Variants in MARCHF10 observed in about 807,000 individuals in gnomAD.
MARCHF10 encodes membrane associated ring-CH-type finger 10.
In MARCHF10, 64 loss-of-function variants were observed where a neutral mutation model predicts 76.2. The ratio of observed to expected loss-of-function variants is 0.84; its 90% confidence interval spans 0.69 to 1.03. MARCHF10 has a LOEUF of 1.03. MARCHF10 is among the 50% of genes least tolerant of loss of function. MARCHF10 has a pLI of 0.00. For missense variants in MARCHF10, 875 were observed against 958.0 expected, an observed-to-expected ratio of 0.91 and a Z score of 1.14; for synonymous variants, 340 against 357.5, an observed-to-expected ratio of 0.95 and a Z score of 0.55.
intron 4 of MARCHF10, among the ~76,000 whole-genome samples, chr17:62,759,204 C>A (rs1486872250): frequency 6.6e-6 from 1 of 152,154 alleles, no homozygotes; most frequent in Non-Finnish European, 1.5e-5. Context: ...CTTGCTTGAG[C>A]CATAAAACTT....
chr17:62,704,835 G>T, intron 10 of MARCHF10: 2 of 734,390 alleles, frequency 2.7e-6, no homozygotes, highest in Non-Finnish European at 3.3e-6. Context: ...TGGGGACCCA[G>T]TTGTCACACA....
At chr17:62,799,435 A>G (rs186646344) in intron 2 of MARCHF10, among the ~76,000 whole-genome samples, 1 of 152,158 alleles carries the variant, frequency 6.6e-6, no homozygotes, top group Non-Finnish European at 1.5e-5. Context: ...TAAACCATCC[A>G]ATAATTCTCA....
intron 3 of MARCHF10, among the ~76,000 whole-genome samples, chr17:62,784,543 G>C (rs771051636): frequency 6.6e-6 from 1 of 152,192 alleles, no homozygotes; most frequent in South Asian, 2.1e-4. Flanking sequence ...GCAAGAGAAA[G>C]AAATAAAGGG....
chr17:62,794,118 C>T (rs1190493747), intron 2 of MARCHF10, among the ~76,000 whole-genome samples: 1 of 149,476 alleles, frequency 6.7e-6, no homozygotes, highest in Admixed American at 6.7e-5. Flanking sequence ...ACCACCACCA[C>T]CACCTCCATC....
intron 5 of MARCHF10, among the ~76,000 whole-genome samples, chr17:62,740,061 TGTGTGTGTGTGTGTGTGTGTGC>T (rs1285573856): frequency 7.3e-6 from 1 of 136,172 alleles, no homozygotes; most frequent in East Asian, 2.0e-4. Context: ...TGTGTGTGTG[TGTGTGTGTGTGTGTGTGTGTGC>T]GTGTGTGTGT....
At chr17:62,776,453 G>A (rs910853005) in intron 3 of MARCHF10, among the ~76,000 whole-genome samples, 1 of 152,186 alleles carries the variant, frequency 6.6e-6, no homozygotes, top group African/African-American at 2.4e-5. Context: ...CAATTCAAAC[G>A]GACGGTTCTC....
At position 62,712,717 on chromosome 17, in the gene MARCHF10, G is replaced by C. The variant is rs79237136; in HGVS notation, c.2215-1373C>G. Among the ~76,000 whole-genome samples the C allele has an allele frequency of 0.035, 5,290 of 152,224 alleles. 321 individuals are homozygous for C. Among genetic ancestry groups the C allele is most frequent in the African/African-American group, 0.12 (4,990 of 41,520 alleles). On this transcript the variant is annotated intron_variant, in intron 8 of 10. Transcript: ENST00000311269. The surrounding 1 kb of genome is among the most constrained non-coding windows in gnomAD (Gnocchi z 4.2). ...ACCTTGGCCTAGAGTGAGTAGAGAA[G>C]AAGTTGCTTGTTTGCATTATTTCTG...
Position 62,718,637 on chromosome 17 carries a change from C to T in MARCHF10, c.2214+3851G>A, listed in dbSNP as rs79797770. On this transcript the variant is annotated intron_variant, in intron 8 of 10. Coordinates refer to ENST00000311269, the MANE Select transcript of MARCHF10 (RefSeq NM_152598.4). ...TTCTTGAGATGAACCTGTCGGCACC[C>T]TGACTGGCACCTGACCTCAGGCACT... 2.3e-3 allele frequency among the ~76,000 whole-genome samples: 348 copies of T among 152,304 alleles called. 8 individuals carry two copies. The East Asian group carries it at 0.029, about 13-fold the overall frequency.
chr17:62,804,734 C>T (rs949316988), intron 1 of MARCHF10, among the ~76,000 whole-genome samples: 6 of 152,138 alleles, frequency 3.9e-5, no homozygotes, highest in African/African-American at 1.2e-4. Context: ...GACCCCTCAT[C>T]TATGGGGTCA....
At chr17:62,799,606 G>A (rs949497404) in intron 2 of MARCHF10, among the ~76,000 whole-genome samples, 8 of 152,132 alleles carry the variant, frequency 5.3e-5, no homozygotes, top group African/African-American at 1.4e-4. Flanking sequence ...AATTAGCCAG[G>A]TGTGTTGGCG....
At chr17:62,730,394 T>A (rs1239798551) in intron 6 of MARCHF10, among the ~76,000 whole-genome samples, 1 of 152,222 alleles carries the variant, frequency 6.6e-6, no homozygotes, top group Admixed American at 6.5e-5. Flanking sequence ...TAAACATTTT[T>A]AAAAAGACCT....
chr17:62,787,506 C>T (rs572881616), intron 3 of MARCHF10, among the ~76,000 whole-genome samples: 2 of 152,280 alleles, frequency 1.3e-5, no homozygotes, highest in South Asian at 2.1e-4. Context: ...ATTCACCATG[C>T]TAACAGTCAG....
chr17:62,727,129 G>A (rs2090795098), intron 6 of MARCHF10, among the ~76,000 whole-genome samples: 1 of 152,186 alleles, frequency 6.6e-6, no homozygotes, highest in Non-Finnish European at 1.5e-5. Context: ...GGTCATGCAG[G>A]TCTGAAGATC....
At chr17:62,788,431 C>CCAGCAG in intron 3 of MARCHF10, 49 bp downstream of exon 3, 1 of 1,597,326 alleles carries the variant, frequency 6.3e-7, no homozygotes, top group Non-Finnish European at 8.6e-7. Context: ...ACCACCACCA[C>CCAGCAG]CAGCAGCAGC....
Position 62,725,095 on chromosome 17 carries a change from C to T in MARCHF10, c.1947G>A (p.Glu649=). 5 of 1,587,746 alleles carry T rather than the reference C, an allele frequency of 3.1e-6. No individual in the cohort carries two copies. Among genetic ancestry groups the T allele is most frequent in the South Asian group, 1.2e-5 (1 of 86,622 alleles). Residue 649 remains glutamate (E), a synonymous_variant, in exon 7 of 11, where the codon GAG becomes GAA. Transcript: ENST00000311269. ...AGTCTCCCTCCTCCTCGGAGTCCTC[C>T]TCCAGGAGACTAAATGTGAAAACAA... ...KLKKLQESLL[E]EDSEEEGDLC... is the part of the protein sequence containing the mutation.
chr17:62,741,596 A>C (rs1409322611), intron 5 of MARCHF10, among the ~76,000 whole-genome samples: 1 of 152,166 alleles, frequency 6.6e-6, no homozygotes, highest in Non-Finnish European at 1.5e-5. Context: ...CGTCATGTAG[A>C]TTTACATTTA....
rs564225298 is a variant in MARCHF10 at position 62,733,547 on chromosome 17, A to ACCACCAGC, written c.1937+2376_1937+2383dup. On this transcript the variant is annotated intron_variant, in intron 6 of 10. Coordinates refer to ENST00000311269, the MANE Select transcript of MARCHF10 (RefSeq NM_152598.4). ...ATTTAGTACAGTGGAAAATGTGTTC[A>ACCACCAGC]CCACCAGCCCACCAGCCCACCAGCC... Among the ~76,000 whole-genome samples the ACCACCAGC allele has an allele frequency of 3.3e-3, 502 of 152,246 alleles. 3 individuals carry two copies. Among genetic ancestry groups the ACCACCAGC allele is most frequent in the African/African-American group, 7.0e-3 (289 of 41,522 alleles).
intron 8 of MARCHF10, among the ~76,000 whole-genome samples, chr17:62,721,066 G>A (rs934597742): frequency 2.0e-5 from 3 of 151,736 alleles, no homozygotes; most frequent in African/African-American, 7.3e-5. Flanking sequence ...TGGGGGTTTC[G>A]CTGTGTTGGC....
At chr17:62,775,544 G>A (rs1190154925) in intron 3 of MARCHF10, among the ~76,000 whole-genome samples, 1 of 151,528 alleles carries the variant, frequency 6.6e-6, no homozygotes, top group Non-Finnish European at 1.5e-5. Flanking sequence ...CATCCCCATG[G>A]TACCCAACAC....
Sources: allele counts gnomAD v4.1 joint callset (sites outside exome capture counted in the v4.1 genomes callset), GRCh38; gene constraint gnomAD v4.1.1; non-coding constraint Gnocchi (gnomAD v3.1); transcripts MANE v1.5; gene names NCBI Gene and HGNC (gene_info 2026-07-23, HGNC 2026-07-21).